The following ECE1 variants were observed in gnomAD, a reference collection of about 807,000 sequenced individuals.
The protein encoded by ECE1 is endothelin converting enzyme 1, also known as endothelin-converting enzyme 1.
Under a neutral mutation model 98.6 loss-of-function variants are expected in ECE1, and 35 were observed. That is an observed-to-expected ratio of 0.35 (90% CI 0.27 to 0.47). ECE1 has a LOEUF of 0.47. Ranked by LOEUF, ECE1 falls within the 20% of genes least tolerant of loss-of-function variation. The probability of loss-of-function intolerance (pLI) is 1.00; values close to 1 mark genes in which losing one functional copy is unlikely to be tolerated. For synonymous variants in ECE1, 394 were observed against 407.1 expected (o/e 0.97, Z 0.39); for missense variants, 814 against 1,025.3 (o/e 0.79, Z 2.81).
rs762182710 is a variant in ECE1, at chr1:21,225,325, G to A, written c.1965C>T (p.Asn655=). ...MVEQYSNYSV[N]GEPVNGRHTL... ...TGTGCCGCCCGTTCACCGGCTCCCC[G>A]TTCACGCTGTAGTTGCTGTACTGCT... The change falls in exon 17 of 19, where the codon AAC becomes AAT. Residue 655 remains asparagine (N), a synonymous_variant. Transcript: ENST00000374893. This position sits in a 1 kb window ranked among gnomAD's most constrained non-coding sequence, Gnocchi z 5.3. 1.1e-5 allele frequency: 18 copies of A among 1,614,116 alleles called. No individual in the cohort carries two copies. The highest frequency in any genetic ancestry group is 1.6e-4 in the Middle Eastern group (1 of 6,084).
intron 1 of ECE1, among the ~76,000 whole-genome samples, chr1:21,325,974 G>A (rs895831068): frequency 2.6e-5 from 4 of 152,140 alleles, no homozygotes; most frequent in South Asian, 2.1e-4. Context: ...TTCCCCTAGC[G>A]CAGTGATTTC....
At chr1:21,246,091 C>A (rs1484113836) in intron 9 of ECE1, among the ~76,000 whole-genome samples, 1 of 151,710 alleles carries the variant, frequency 6.6e-6, no homozygotes, top group African/African-American at 2.4e-5. Flanking sequence ...ATAGTGAGAC[C>A]CCATCTCATT....
intron 17 of ECE1, chr1:21,222,176 A>G (rs1016582276): frequency 3.0e-6 from 1 of 330,452 alleles, no homozygotes; most frequent in Admixed American, 4.1e-5. Flanking sequence ...GTGTGCATGC[A>G]CACACACACA....
At chr1:21,222,548 A>G (rs1416195414) in intron 17 of ECE1, among the ~76,000 whole-genome samples, 1 of 152,160 alleles carries the variant, frequency 6.6e-6, no homozygotes. Flanking sequence ...GCAGCATGAA[A>G]GCAGCCACAT....
rs1357269866 is a variant in ECE1, at chr1:21,327,037, G to A, written c.3+18339C>T. ...GTCCTGAGGGCCCTGGTCTCGCTGG[G>A]GTCGCATAGGTCACATGGAAAGAAT... On this transcript the variant is annotated intron_variant, in intron 1 of 18. Transcript: ENST00000415912. This position sits in a 1 kb window ranked among gnomAD's most constrained non-coding sequence, Gnocchi z 4.6. Among the ~76,000 whole-genome samples, 10 of 152,150 alleles carry A rather than the reference G, an allele frequency of 6.6e-5. No individual in the cohort carries two copies. The highest frequency in any genetic ancestry group is 2.4e-4 in the African/African-American group (10 of 41,430).
Position 21,260,472 on chromosome 1 carries a change from G to T in ECE1, c.494-80C>A, listed in dbSNP as rs2098225354. 1 of 1,561,174 alleles carries T rather than the reference G, an allele frequency of 6.4e-7. No individual in the cohort carries two copies. ...CTTTGGGGCAGTCCCTCTTTTCGGAGCCTTGGTGTTCTCAGCTGCAAAGGA... is the reference window on the plus strand; with the variant it reads ...CTTTGGGGCAGTCCCTCTTTTCGGATCCTTGGTGTTCTCAGCTGCAAAGGA... On this transcript the variant is annotated intron_variant, in intron 4 of 18. Transcript: ENST00000374893. The surrounding 1 kb of genome is among the most constrained non-coding windows in gnomAD (Gnocchi z 4.3).
chr1:21,273,339 G>A (rs950328119), intron 3 of ECE1, among the ~76,000 whole-genome samples: 4 of 89,478 alleles, frequency 4.5e-5, no homozygotes, highest in South Asian at 3.8e-4. Flanking sequence ...GTGCCCGTGC[G>A]TGTGTGCGTG....
chr1:21,302,607 C>A (rs1443488155), intron 1 of ECE1, among the ~76,000 whole-genome samples: 2 of 152,154 alleles, frequency 1.3e-5, no homozygotes, highest in Non-Finnish European at 2.9e-5. Flanking sequence ...CCTTTTCAGG[C>A]TCCAGAAATG....
chr1:21,287,350 A>T (rs529610696), intron 2 of ECE1, among the ~76,000 whole-genome samples: 19 of 152,162 alleles, frequency 1.2e-4, no homozygotes, highest in Admixed American at 6.5e-4. Flanking sequence ...ACATGGCAAA[A>T]CCTTGTCTCT....
intron 2 of ECE1, among the ~76,000 whole-genome samples, chr1:21,284,600 A>G (rs1302505944): frequency 6.6e-6 from 1 of 152,274 alleles, no homozygotes; most frequent in East Asian, 1.9e-4. Context: ...TTCCACAGCC[A>G]AGGGAACAAA....
intron 14 of ECE1, among the ~76,000 whole-genome samples, chr1:21,232,285 A>C (rs1022286722): frequency 6.6e-6 from 1 of 151,012 alleles, no homozygotes; most frequent in Non-Finnish European, 1.5e-5. Context: ...TTTTGAGGAG[A>C]CAGTTTTTTT....
chr1:21,235,311 C>T lies in ECE1; in HGVS notation c.1566+539G>A, dbSNP rs930490064. Among the ~76,000 whole-genome samples, 1 of 152,222 alleles carries T rather than the reference C, an allele frequency of 6.6e-6. No individual in the cohort carries two copies. The highest frequency in any genetic ancestry group is 2.4e-5 in the African/African-American group (1 of 41,460). ...AACCACCTCCATTGCCCAAACCAAG[C>T]TTAAAAATGCACCTGGATTTAAGCT... is the stretch of plus-strand genomic sequence containing the variant. On this transcript the variant is annotated intron_variant, in intron 13 of 18. Transcript: ENST00000374893. This position sits in a 1 kb window ranked among gnomAD's most constrained non-coding sequence, Gnocchi z 4.2.
chr1:21,273,639 AGAGT>A (rs1207937010), intron 3 of ECE1, among the ~76,000 whole-genome samples: 6 of 152,186 alleles, frequency 3.9e-5, no homozygotes, highest in Non-Finnish European at 5.9e-5. Flanking sequence ...TACAAGCAGG[AGAGT>A]GAGTGACCTC....
At chr1:21,228,671 C>T (rs2098177632) in intron 14 of ECE1, among the ~76,000 whole-genome samples, 3 of 151,896 alleles carry the variant, frequency 2.0e-5, no homozygotes, top group Admixed American at 2.0e-4. Context: ...CACTTGTAAT[C>T]CCAGCTACGT....
chr1:21,220,164 A>C lies in ECE1; in HGVS notation c.2137-33T>G. On this transcript the variant is annotated intron_variant, in intron 18 of 18. Transcript: ENST00000374893. This position sits in a 1 kb window ranked among gnomAD's most constrained non-coding sequence, Gnocchi z 5.0. The stretch of plus-strand genomic sequence containing the variant: ...GGGGCAACAGGGAGAGGCCAGGGTC[A>C]CTGTGGGGCCCTCGGGCTGCCAGAC... The C allele has an allele frequency of 6.3e-7, 1 of 1,589,400 alleles. No individual in the cohort carries two copies. Among genetic ancestry groups the C allele is most frequent in the South Asian group, 1.1e-5 (1 of 87,902 alleles).
intron 10 of ECE1, among the ~76,000 whole-genome samples, chr1:21,244,634 C>T (rs1273793696): frequency 1.3e-5 from 2 of 152,136 alleles, no homozygotes; most frequent in Admixed American, 6.6e-5. Context: ...TGAACAGTCG[C>T]GTGGTGCTTC....
At position 21,322,537 on chromosome 1, in the gene ECE1, CAT is replaced by C. The variant is rs1470008572; in HGVS notation, c.3+22837_3+22838del. Among the ~76,000 whole-genome samples the C allele has an allele frequency of 2.0e-5, 3 of 152,234 alleles. No homozygotes were observed. The highest frequency in any genetic ancestry group is 2.9e-5 in the Non-Finnish European group (2 of 68,038). On this transcript the variant is annotated intron_variant, in intron 1 of 18. Coordinates refer to the ECE1 transcript ENST00000415912. This position sits in a 1 kb window ranked among gnomAD's most constrained non-coding sequence, Gnocchi z 4.1. ...GGTTGGGGCTGTGCCAGGCCCCCCA[CAT>C]GTGTCACACTCCAGGGCCCCAGGCC...
chr1:21,259,970 GC>G (rs1472405629), intron 5 of ECE1, among the ~76,000 whole-genome samples: 1 of 152,098 alleles, frequency 6.6e-6, no homozygotes, highest in Non-Finnish European at 1.5e-5. Flanking sequence ...TCTAAACATG[GC>G]CCCCATCCCA....
chr1:21,226,304 G>A (rs1261305509), intron 16 of ECE1, among the ~76,000 whole-genome samples: 1 of 152,122 alleles, frequency 6.6e-6, no homozygotes, highest in East Asian at 1.9e-4. Context: ...TCCACGAGCA[G>A]GGCACCTCAC....
Sources: gnomAD v4.1 joint callset for allele counts (sites outside exome capture counted in the v4.1 genomes callset) on GRCh38, gnomAD v4.1.1 for gene constraint, Gnocchi (gnomAD v3.1) non-coding constraint, MANE v1.5 for transcripts, NCBI Gene and HGNC (gene_info 2026-07-23, HGNC 2026-07-21) for gene names.